The following PTCH1 variants were observed in gnomAD, a reference collection of about 807,000 sequenced individuals.
The protein encoded by PTCH1 is patched 1.
A neutral mutation model predicts 144.6 loss-of-function variants in PTCH1; 14 were observed. The observed-to-expected ratio is 0.10, with a 90% CI of 0.06 to 0.15. The LOEUF is 0.15. PTCH1 is among the 10% of genes least tolerant of loss of function. PTCH1 has a pLI of 1.00. For missense variants in PTCH1, 1,623 were observed against 1,948.3 expected, an observed-to-expected ratio of 0.83 and a Z score of 3.14; for synonymous variants, 833 against 793.6, an observed-to-expected ratio of 1.05 and a Z score of -0.83.
chr9:95,460,170 G>A (rs1295450189), intron 16 of PTCH1, among the ~76,000 whole-genome samples: 1 of 152,206 alleles, frequency 6.6e-6, no homozygotes, highest in African/African-American at 2.4e-5. Context: ...AACCTCTGTT[G>A]TTAACACTGA....
chr9:95,477,146 G>C (rs1347851865), intron 10 of PTCH1, among the ~76,000 whole-genome samples: 1 of 152,238 alleles, frequency 6.6e-6, no homozygotes, highest in Non-Finnish European at 1.5e-5. Context: ...CCATGGACCA[G>C]CATCACTGGG....
At chr9:95,473,507 T>C (rs1191514030) in intron 12 of PTCH1, among the ~76,000 whole-genome samples, 2 of 152,002 alleles carry the variant, frequency 1.3e-5, no homozygotes, top group East Asian at 3.9e-4. Flanking sequence ...CAAAAATCAT[T>C]GCACACTCTC....
At position 95,508,497 on chromosome 9, in the gene PTCH1, G is replaced by C. The variant is rs1843933299; in HGVS notation, c.-136C>G. ...ACGCTGCTGGCCGCAGGCTGCTCGGGCTCGGGCTCCGGTTGACAGACCAGC... is the reference window on the plus strand; with the variant it reads ...ACGCTGCTGGCCGCAGGCTGCTCGGCCTCGGGCTCCGGTTGACAGACCAGC... On this transcript the variant is annotated 5_prime_UTR_variant, in exon 1 of 24. Coordinates refer to ENST00000331920, the MANE Select transcript of PTCH1 (RefSeq NM_000264.5). 32 of 1,019,988 alleles carry C rather than the reference G, an allele frequency of 3.1e-5. No homozygotes were observed. The highest frequency in any genetic ancestry group is 3.6e-5 in the Non-Finnish European group (31 of 852,384). 63.2% of individuals were successfully genotyped at this position (1,019,988 alleles called of 1,614,324 possible). A position where few individuals can be genotyped will look rare whatever the true frequency, so the allele number is the denominator to read the frequency against.
At chr9:95,480,336 C>A in intron 6 of PTCH1, 54 bp downstream of exon 6, 1 of 1,591,422 alleles carries the variant, frequency 6.3e-7, no homozygotes, top group South Asian at 1.1e-5. Context: ...TGAATGGACA[C>A]AAAAAAGTGT....
At chr9:95,506,797 AG>A (rs1843693579) in intron 1 of PTCH1, 198 bp from the exon 2 acceptor site, 1 of 1,105,038 alleles carries the variant, frequency 9.0e-7, no homozygotes, top group Non-Finnish European at 1.1e-6. Flanking sequence ...GCCGGGCCGC[AG>A]CGTGGGAGCT....
intron 1 of PTCH1, chr9:95,507,419 C>G (rs1176372001): frequency 1.0e-6 from 1 of 985,498 alleles, no homozygotes; most frequent in Non-Finnish European, 1.2e-6. Flanking sequence ...CTCGCCTTCC[C>G]TGGATTCCAC....
At position 95,467,105 on chromosome 9, in the gene PTCH1, C is replaced by T. The variant is rs774494594; in HGVS notation, c.2560+11G>A. The T allele has an allele frequency of 2.4e-4, 394 of 1,613,856 alleles. No individual in the cohort carries two copies. The highest frequency in any genetic ancestry group is 4.9e-4 in the Middle Eastern group (3 of 6,084). On this transcript the variant is annotated intron_variant, in intron 15 of 23. Coordinates refer to ENST00000331920, the MANE Select transcript of PTCH1 (RefSeq NM_000264.5). ...AGACCGAAAGGACGAGAGCCTCCCA[C>T]GCCGTCTTACCCTGAAGCCAGTCTC...
rs555018852 is a variant in PTCH1 at position 95,507,216 on chromosome 9, A to G, written c.202-617T>C. ...AGCTGAATTAGGAAGTGGGGCAGCC[A>G]GCTGCAACTTACGACAATATTTGTG... On this transcript the variant is annotated intron_variant, in intron 1 of 23. Transcript: ENST00000331920. 9.2e-5 allele frequency: 91 copies of G among 985,594 alleles called. No individual in the cohort carries two copies. The African/African-American group carries it at 1.4e-3, about 15-fold the overall frequency. 61.1% of individuals were successfully genotyped at this position (985,594 alleles called of 1,614,324 possible).
intron 10 of PTCH1, among the ~76,000 whole-genome samples, chr9:95,477,196 C>T (rs749974996): frequency 6.6e-6 from 1 of 152,254 alleles, no homozygotes; most frequent in African/African-American, 2.4e-5. Flanking sequence ...CGGCCCCAGA[C>T]TTACTGAGAA....
intron 2 of PTCH1, chr9:95,494,459 C>T (rs928469153): frequency 1.0e-6 from 1 of 985,336 alleles, no homozygotes; most frequent in Non-Finnish European, 1.2e-6. Context: ...CTGAGACAGG[C>T]CCAAGAACGT....
intron 12 of PTCH1, among the ~76,000 whole-genome samples, chr9:95,471,315 A>G (rs190724779): frequency 1.1e-4 from 16 of 152,330 alleles, no homozygotes; most frequent in African/African-American, 3.6e-4. Flanking sequence ...GATGTCTTCC[A>G]ATAATTAATT....
At chr9:95,506,697 C>T (rs1003766060) in intron 1 of PTCH1, 98 bp from the exon 2 acceptor site, 2 of 1,183,340 alleles carry the variant, frequency 1.7e-6, no homozygotes, top group African/African-American at 1.6e-5. Flanking sequence ...CCCCAACAGC[C>T]GTGGGGGCGC....
intron 2 of PTCH1, among the ~76,000 whole-genome samples, chr9:95,505,864 C>G (rs1843545742): frequency 6.7e-6 from 1 of 149,190 alleles, no homozygotes; most frequent in African/African-American, 2.4e-5. Context: ...GCCGCCGCCT[C>G]CGCAGCCCCG....
intron 15 of PTCH1, among the ~76,000 whole-genome samples, chr9:95,464,592 T>A (rs1839830644): frequency 6.6e-6 from 1 of 152,212 alleles, no homozygotes; most frequent in East Asian, 1.9e-4. Context: ...TGTACATGAC[T>A]CGAGGCATGG....
At chr9:95,509,529 T>A (rs1844029551), upstream of PTCH1, among the ~76,000 whole-genome samples, 1 of 152,188 alleles carries the variant, frequency 6.6e-6, no homozygotes, top group Non-Finnish European at 1.5e-5. Context: ...TAAGGAATGC[T>A]CCCCCTCCTT....
chr9:95,511,020 C>G (rs1204454386), upstream of PTCH1, among the ~76,000 whole-genome samples: 1 of 150,062 alleles, frequency 6.7e-6, no homozygotes, highest in Non-Finnish European at 1.5e-5. Flanking sequence ...CGCCGTAGTA[C>G]ATTCCTGAAG....
At chr9:95,509,387 T>G (rs1234501022), upstream of PTCH1, among the ~76,000 whole-genome samples, 2 of 152,124 alleles carry the variant, frequency 1.3e-5, no homozygotes, top group Admixed American at 6.5e-5. Flanking sequence ...TCAGCAAACA[T>G]GACTATTATT....
At position 95,453,589 on chromosome 9, in the gene PTCH1, C is replaced by A; in HGVS notation, c.3338G>T (p.Arg1113Leu). Reference protein sequence around the residue: ...AFLTAIGDKNRRAVLALEHMF... With the variant: ...AFLTAIGDKNLRAVLALEHMF... ...GTGCTCCAGGGCAAGCACAGCCCTG[C>A]GGTTCTTGTCGCCGATGGCCGTCAG... The change falls in exon 20 of 24, where the codon CGC (arginine) becomes CTC (leucine). Residue 1113 changes from arginine (R) to leucine (L), a missense_variant. This residue lies in a region of PTCH1 where 504 missense variants were observed against 679.3 expected (regional missense o/e 0.74). Coordinates refer to ENST00000331920, the MANE Select transcript of PTCH1 (RefSeq NM_000264.5). The A allele has an allele frequency of 6.2e-7, 1 of 1,613,926 alleles. No individual in the cohort carries two copies. The highest frequency in any genetic ancestry group is 1.6e-4 in the Middle Eastern group (1 of 6,062).
At chr9:95,514,121 G>A (rs1844265256), upstream of PTCH1, 1 of 152,110 alleles carries the variant, frequency 6.6e-6, no homozygotes. Flanking sequence ...AAAAGCTATT[G>A]GTATTCTCTT....
Sources: allele counts gnomAD v4.1 joint callset (sites outside exome capture counted in the v4.1 genomes callset), GRCh38; gene constraint gnomAD v4.1.1; regional missense constraint gnomAD v4.1.1; transcripts MANE v1.5; gene names NCBI Gene and HGNC (gene_info 2026-07-23, HGNC 2026-07-21).